Variants in VPS13B observed in about 807,000 individuals in gnomAD.
VPS13B encodes the protein vacuolar protein sorting 13 homolog B.
VPS13B carries 285 observed loss-of-function variants against 426.4 expected under a neutral mutation model. The ratio of observed to expected loss-of-function variants is 0.67; its 90% CI spans 0.61 to 0.74. The LOEUF is 0.74. VPS13B is among the 30% of genes least tolerant of loss of function. VPS13B has a pLI of 0.00. For synonymous variants in VPS13B, 1,676 were observed against 1,676.4 expected, an observed-to-expected ratio of 1.00 and a Z score of 0.01; for missense variants, 4,537 against 4,782.6, an observed-to-expected ratio of 0.95 and a Z score of 1.51.
intron 16 of VPS13B, among the ~76,000 whole-genome samples, chr8:99,177,801 T>C (rs980852628): frequency 6.6e-6 from 1 of 152,196 alleles, no homozygotes; most frequent in Admixed American, 6.5e-5. Context: ...TTTTTGGTTA[T>C]TGGAGAATAT....
intron 31 of VPS13B, among the ~76,000 whole-genome samples, chr8:99,572,199 T>C (rs374197249): frequency 6.6e-6 from 1 of 152,182 alleles, no homozygotes; most frequent in Admixed American, 6.5e-5. Context: ...GTTGATAAAA[T>C]GAAAACTAAG....
chr8:99,059,979 G>T (rs776118304), intron 3 of VPS13B, among the ~76,000 whole-genome samples: 1 of 151,274 alleles, frequency 6.6e-6, no homozygotes, highest in Non-Finnish European at 1.5e-5. Context: ...CAGGTGATCC[G>T]CCCACCTCGG....
intron 30 of VPS13B, among the ~76,000 whole-genome samples, chr8:99,533,764 A>T (rs927730770): frequency 2.0e-5 from 3 of 152,170 alleles, no homozygotes; most frequent in Non-Finnish European, 4.4e-5. Flanking sequence ...ATTCCTGATG[A>T]ATGTAACTCA....
Position 99,696,243 on chromosome 8 carries a change from A to T in VPS13B, c.6047-3282A>T, listed in dbSNP as rs911137249. 3 of 189,738 alleles carry T rather than the reference A, an allele frequency of 1.6e-5. No individual in the cohort carries two copies. The Admixed American group carries it at 1.7e-4, about 11-fold the overall frequency. The allele number at this position is 189,738 out of a possible 1,614,324, so 11.8% of individuals were successfully genotyped here. ...GTAGAGAAGTCCCTCAAGTCCTTCAAGGACAAGAACAAGAAGCTTGAGGAA... is the reference window on the plus strand; with the variant it reads ...GTAGAGAAGTCCCTCAAGTCCTTCATGGACAAGAACAAGAAGCTTGAGGAA... On this transcript the variant is annotated intron_variant, in intron 35 of 61. Transcript: ENST00000357162.
At chr8:99,290,651 T>C (rs1269656474) in intron 19 of VPS13B, among the ~76,000 whole-genome samples, 1 of 143,448 alleles carries the variant, frequency 7.0e-6, no homozygotes, top group Admixed American at 7.0e-5. Context: ...ACTTAAAGTA[T>C]AATAATAAAA....
chr8:99,550,060 G>A (rs1039053190), intron 30 of VPS13B, among the ~76,000 whole-genome samples: 1 of 151,956 alleles, frequency 6.6e-6, no homozygotes, highest in Non-Finnish European at 1.5e-5. Context: ...ATGAGGGCAG[G>A]GACCATCCAG....
intron 33 of VPS13B, among the ~76,000 whole-genome samples, chr8:99,600,008 G>C (rs1282788188): frequency 6.6e-6 from 1 of 152,062 alleles, no homozygotes; most frequent in African/African-American, 2.4e-5. Context: ...CATTTTTAAA[G>C]GGTGAATTTT....
chr8:99,419,597 A>G (rs911276505), intron 21 of VPS13B, among the ~76,000 whole-genome samples: 2 of 152,308 alleles, frequency 1.3e-5, no homozygotes, highest in South Asian at 2.1e-4. Context: ...GCCCCCTAGT[A>G]TAATACTGGC....
At chr8:99,828,794 G>C (rs1814879164) in intron 51 of VPS13B, among the ~76,000 whole-genome samples, 1 of 152,054 alleles carries the variant, frequency 6.6e-6, no homozygotes, top group Non-Finnish European at 1.5e-5. Context: ...GGCAGACCTG[G>C]TGGTGACAAA....
chr8:99,129,569 TAAA>T (rs36029878), intron 8 of VPS13B, among the ~76,000 whole-genome samples: 2 of 79,152 alleles, frequency 2.5e-5, no homozygotes, highest in Admixed American at 1.5e-4. Flanking sequence ...TGTGTCTCCT[TAAA>T]AAAAAAAAAA....
chr8:99,389,443 C>T (rs894301278), intron 20 of VPS13B, among the ~76,000 whole-genome samples: 2 of 151,964 alleles, frequency 1.3e-5, no homozygotes, highest in African/African-American at 4.8e-5. Flanking sequence ...TTTTGAGTCC[C>T]CCTAAACTTA....
intron 29 of VPS13B, among the ~76,000 whole-genome samples, chr8:99,513,935 A>C (rs1054411525): frequency 2.6e-5 from 4 of 152,208 alleles, no homozygotes; most frequent in Admixed American, 2.6e-4. Context: ...TCTGTATTCA[A>C]AATTTGCTCA....
At chr8:99,212,785 A>T (rs573651634) in intron 17 of VPS13B, among the ~76,000 whole-genome samples, 2 of 152,218 alleles carry the variant, frequency 1.3e-5, no homozygotes, top group South Asian at 4.1e-4. Flanking sequence ...TTATGATATG[A>T]TTCTTTTCTA....
chr8:99,362,785 A>G (rs1279176864), intron 19 of VPS13B, among the ~76,000 whole-genome samples: 1 of 152,222 alleles, frequency 6.6e-6, no homozygotes, highest in Admixed American at 6.5e-5. Flanking sequence ...ATGGGAGTGC[A>G]GATATCTCTT....
intron 44 of VPS13B, among the ~76,000 whole-genome samples, chr8:99,816,393 C>T (rs1383279784): frequency 6.6e-6 from 1 of 152,172 alleles, no homozygotes; most frequent in Admixed American, 6.5e-5. Context: ...TGAACCACCG[C>T]ACCTGGCCAA....
chr8:99,271,490 T>G (rs1818605224), intron 17 of VPS13B, among the ~76,000 whole-genome samples: 1 of 152,084 alleles, frequency 6.6e-6, no homozygotes, highest in Admixed American at 6.5e-5. Flanking sequence ...TGGCAAATAT[T>G]GGAAAATAGC....
At position 99,640,019 on chromosome 8, in the gene VPS13B, TAATAATAAG is replaced by T. The variant is rs1485121943; in HGVS notation, c.5221-1789_5221-1781del. Among the ~76,000 whole-genome samples, 262 of 78,304 alleles carry T rather than the reference TAATAATAAG, an allele frequency of 3.3e-3. 7 individuals are homozygous for T. The highest frequency in any genetic ancestry group is 8.5e-3 in the South Asian group (21 of 2,460). 51.4% of individuals were successfully genotyped at this position (78,304 alleles called of 152,430 possible). On this transcript the variant is annotated intron_variant, in intron 33 of 61. Coordinates refer to ENST00000357162, the MANE Select transcript of VPS13B (RefSeq NM_152564.5). ...ATAATAATAATAATAATAATAATAA[TAATAATAAG>T]AAGAAGAAGAAGAAGAAGAAGAGAA...
At chr8:99,669,163 G>T (rs1028144077) in intron 35 of VPS13B, among the ~76,000 whole-genome samples, 2 of 152,140 alleles carry the variant, frequency 1.3e-5, no homozygotes, top group Admixed American at 6.6e-5. Context: ...AAATTCATCT[G>T]TGAAGTGTTT....
chr8:99,357,232 A>G (rs1441493123), intron 19 of VPS13B, among the ~76,000 whole-genome samples: 1 of 152,170 alleles, frequency 6.6e-6, no homozygotes, highest in Non-Finnish European at 1.5e-5. Context: ...AGAAAGATTC[A>G]GTTCATCTCC....
Sources: gnomAD v4.1 joint callset for allele counts (sites outside exome capture counted in the v4.1 genomes callset) on GRCh38, gnomAD v4.1.1 for gene constraint, MANE v1.5 for transcripts, NCBI Gene and HGNC (gene_info 2026-07-23, HGNC 2026-07-21) for gene names.